The following ADAMTS19 variants were observed in gnomAD, a reference collection of about 807,000 sequenced individuals.
ADAMTS19 encodes the protein ADAM metallopeptidase with thrombospondin type 1 motif 19.
ADAMTS19 carries 93 observed loss-of-function variants against 153.3 expected under a neutral mutation model. That is an observed-to-expected ratio of 0.61 (90% CI 0.51 to 0.72). The LOEUF (loss-of-function observed/expected upper bound fraction) is 0.72. Ranked by LOEUF, ADAMTS19 falls within the 30% of genes least tolerant of loss-of-function variation. The pLI is 0.00. For missense variants in ADAMTS19, 1,482 were observed against 1,552.1 expected (o/e 0.95, Z 0.76); for synonymous variants, 600 against 556.6 (o/e 1.08, Z -1.10).
chr5:129,559,678 A>G (rs1422714158), intron 7 of ADAMTS19, among the ~76,000 whole-genome samples: 1 of 152,196 alleles, frequency 6.6e-6, no homozygotes, highest in African/African-American at 2.4e-5. Flanking sequence ...TATATGCATT[A>G]AAGACATGTT....
In ADAMTS19 at chr5:129,704,353, T is replaced by A. The variant is rs574088874; in HGVS notation, c.3274T>A (p.Ser1092Thr). 77 of 1,614,112 alleles carry A rather than the reference T, an allele frequency of 4.8e-5. No homozygotes were observed. The South Asian group carries it at 7.9e-4, about 17-fold the overall frequency. ...PREAEDCEDYSKCYVWRMGDW... is the reference protein window; with the variant it reads ...PREAEDCEDYTKCYVWRMGDW... ...GGAGGCTGAAGACTGTGAGGATTAT[T>A]CAAAATGCTATGTGTGGCGAATGGG... The change falls in exon 21 of 23, where the codon TCA (serine) becomes ACA (threonine). Residue 1092 changes from serine to threonine, a missense_variant. Around this residue, in one of 2 missense-constraint regions of ADAMTS19, gnomAD observed 616 missense variants for 724.4 expected, o/e 0.85. Coordinates refer to ENST00000274487, the MANE Select transcript of ADAMTS19 (RefSeq NM_133638.6).
intron 16 of ADAMTS19, among the ~76,000 whole-genome samples, chr5:129,667,685 C>G (rs889446695): frequency 6.6e-6 from 1 of 152,070 alleles, no homozygotes; most frequent in Non-Finnish European, 1.5e-5. Context: ...TCCTGAGGCC[C>G]TCATCAGAAG....
chr5:129,548,722 C>G (rs1752955502), intron 6 of ADAMTS19, among the ~76,000 whole-genome samples: 1 of 151,914 alleles, frequency 6.6e-6, no homozygotes, highest in African/African-American at 2.4e-5. Context: ...AAGACACATG[C>G]ACACGTATGT....
intron 6 of ADAMTS19, among the ~76,000 whole-genome samples, chr5:129,532,290 A>G (rs1752233673): frequency 6.6e-6 from 1 of 152,210 alleles, no homozygotes; most frequent in Admixed American, 6.5e-5. Flanking sequence ...GTATATACAC[A>G]TATACAAATA....
intron 6 of ADAMTS19, among the ~76,000 whole-genome samples, chr5:129,538,460 C>T (rs1752538945): frequency 6.6e-6 from 1 of 151,980 alleles, no homozygotes; most frequent in African/African-American, 2.4e-5. Context: ...TTAGAATTTT[C>T]TGCATCCAAT....
chr5:129,521,634 C>T (rs1751803345), intron 3 of ADAMTS19, among the ~76,000 whole-genome samples: 1 of 152,152 alleles, frequency 6.6e-6, no homozygotes, highest in Non-Finnish European at 1.5e-5. Flanking sequence ...CCTAAGCTCT[C>T]TATACTTCGT....
intron 3 of ADAMTS19, among the ~76,000 whole-genome samples, chr5:129,522,722 G>A (rs1334936814): frequency 2.0e-5 from 3 of 151,946 alleles, no homozygotes; most frequent in African/African-American, 4.8e-5. Context: ...TGACAGGTGG[G>A]CATAGAAGTC....
At chr5:129,508,542 T>C (rs576732831) in intron 2 of ADAMTS19, among the ~76,000 whole-genome samples, 14 of 152,162 alleles carry the variant, frequency 9.2e-5, no homozygotes, top group African/African-American at 3.4e-4. Flanking sequence ...AAGTAATGCT[T>C]CATTTTTCTC....
chr5:129,569,569 C>T (rs1399202799), intron 7 of ADAMTS19, among the ~76,000 whole-genome samples: 1 of 152,026 alleles, frequency 6.6e-6, no homozygotes, highest in Non-Finnish European at 1.5e-5. Context: ...CATTTTCTAG[C>T]TCATAAAGCA....
intron 7 of ADAMTS19, among the ~76,000 whole-genome samples, chr5:129,593,533 C>A (rs1237793855): frequency 6.6e-6 from 1 of 151,916 alleles, no homozygotes; most frequent in Non-Finnish European, 1.5e-5. Context: ...CTGATGATTC[C>A]ATTCTCTTTA....
intron 2 of ADAMTS19, among the ~76,000 whole-genome samples, chr5:129,480,533 A>G (rs1750372151): frequency 6.6e-6 from 1 of 152,204 alleles, no homozygotes; most frequent in Non-Finnish European, 1.5e-5. Flanking sequence ...TATGTAAAGA[A>G]CTATCTTCAT....
intron 21 of ADAMTS19, among the ~76,000 whole-genome samples, chr5:129,718,586 T>C (rs1756834219): frequency 2.6e-5 from 4 of 151,856 alleles, no homozygotes; most frequent in Non-Finnish European, 5.9e-5. Context: ...AGTTGAAAGA[T>C]AGAACTGCCA....
intron 2 of ADAMTS19, among the ~76,000 whole-genome samples, chr5:129,481,103 A>G (rs1249212106): frequency 6.6e-6 from 1 of 152,192 alleles, no homozygotes; most frequent in African/African-American, 2.4e-5. Flanking sequence ...CTATAAAGAT[A>G]CTACCTGAGA....
At chr5:129,533,457 T>C (rs188343827) in intron 6 of ADAMTS19, among the ~76,000 whole-genome samples, 75 of 152,278 alleles carry the variant, frequency 4.9e-4, no homozygotes, top group Non-Finnish European at 8.8e-4. Flanking sequence ...TGTCATCTTT[T>C]ATTGCGTCTA....
chr5:129,539,045 T>C (rs1268170629), intron 6 of ADAMTS19, among the ~76,000 whole-genome samples: 1 of 152,158 alleles, frequency 6.6e-6, no homozygotes, highest in East Asian at 1.9e-4. Context: ...TCTCTGTTTG[T>C]TTGCTTTTTC....
intron 13 of ADAMTS19, among the ~76,000 whole-genome samples, chr5:129,652,054 C>T (rs1363807858): frequency 6.6e-6 from 1 of 151,992 alleles, no homozygotes; most frequent in Non-Finnish European, 1.5e-5. Flanking sequence ...GTTGGATGGG[C>T]ATGAATTTAA....
At chr5:129,620,543 A>C in intron 8 of ADAMTS19, 75 bp from the exon 9 acceptor site, 1 of 1,084,224 alleles carries the variant, frequency 9.2e-7, no homozygotes, top group Non-Finnish European at 1.2e-6. Context: ...ACCGTTATTT[A>C]ACTGCAGTTA....
intron 2 of ADAMTS19, among the ~76,000 whole-genome samples, chr5:129,503,628 C>T (rs985617383): frequency 1.3e-5 from 2 of 152,138 alleles, no homozygotes; most frequent in Admixed American, 1.3e-4. Context: ...CACCTGAGGT[C>T]AGGAGTTCAA....
At chr5:129,621,603 A>T (rs961768380) in intron 9 of ADAMTS19, among the ~76,000 whole-genome samples, 10 of 152,208 alleles carry the variant, frequency 6.6e-5, no homozygotes, top group Admixed American at 5.9e-4. Context: ...CAGACACACC[A>T]TCAGTAGCTG....
Sources: gnomAD v4.1 joint callset for allele counts (sites outside exome capture counted in the v4.1 genomes callset) on GRCh38, gnomAD v4.1.1 for gene constraint, gnomAD v4.1.1 regional missense constraint, MANE v1.5 for transcripts, NCBI Gene and HGNC (gene_info 2026-07-23, HGNC 2026-07-21) for gene names.